The following PLCB1 variants were observed in gnomAD, a reference collection of about 807,000 sequenced individuals.
PLCB1 encodes phospholipase C beta 1.
A neutral mutation model predicts 161.8 loss-of-function variants in PLCB1; 46 were observed. That is an observed-to-expected ratio of 0.28 (90% CI 0.22 to 0.36). The LOEUF (loss-of-function observed/expected upper bound fraction) is 0.36. Among genes scored for constraint, PLCB1 ranks in the 10% least tolerant of loss-of-function variants. The pLI, the probability that PLCB1 is intolerant of heterozygous loss-of-function variation, is 1.00. For missense variants in PLCB1, 1,016 were observed against 1,472.5 expected, an observed-to-expected ratio of 0.69 and a Z score of 5.07; for synonymous variants, 517 against 503.7, an observed-to-expected ratio of 1.03 and a Z score of -0.35.
At chr20:8,823,953 G>A (rs75108322) in intron 31 of PLCB1, among the ~76,000 whole-genome samples, 4,339 of 151,802 alleles carry the variant, frequency 0.029, 196 homozygotes, top group African/African-American at 0.099. Context: ...CCTGGTTCTC[G>A]GTGGGTTTGT....
intron 3 of PLCB1, among the ~76,000 whole-genome samples, chr20:8,605,894 G>A (rs369710024): frequency 6.6e-6 from 1 of 152,130 alleles, no homozygotes; most frequent in Non-Finnish European, 1.5e-5. Flanking sequence ...AGAACATGTG[G>A]TATATGATTT....
chr20:8,584,858 T>C (rs1287287323), intron 3 of PLCB1, among the ~76,000 whole-genome samples: 1 of 151,938 alleles, frequency 6.6e-6, no homozygotes, highest in East Asian at 1.9e-4. Context: ...ACCTGACTAA[T>C]TTTTGTATTT....
At chr20:8,579,502 C>T (rs1407113018) in intron 3 of PLCB1, among the ~76,000 whole-genome samples, 1 of 152,218 alleles carries the variant, frequency 6.6e-6, no homozygotes, top group Admixed American at 6.5e-5. Context: ...TAGTTCGTTA[C>T]ATGGCATTAG....
chr20:8,600,389 G>T (rs1987514768), intron 3 of PLCB1, among the ~76,000 whole-genome samples: 2 of 128,758 alleles, frequency 1.6e-5, no homozygotes, highest in Middle Eastern at 3.9e-3. Context: ...CCTGCTGGGG[G>T]GTGCCTCCCA....
chr20:8,771,552 T>G (rs1982677404), intron 26 of PLCB1, among the ~76,000 whole-genome samples: 1 of 152,070 alleles, frequency 6.6e-6, no homozygotes. Flanking sequence ...AGTATTAAAT[T>G]GCCAGAGATT....
At chr20:8,706,650 G>T (rs1208349103) in intron 11 of PLCB1, among the ~76,000 whole-genome samples, 1 of 152,062 alleles carries the variant, frequency 6.6e-6, no homozygotes, top group Non-Finnish European at 1.5e-5. Flanking sequence ...TGAGGGCTTT[G>T]CTCTTAGCTG....
intron 3 of PLCB1, among the ~76,000 whole-genome samples, chr20:8,566,022 C>T (rs1986322826): frequency 6.6e-6 from 1 of 152,082 alleles, no homozygotes; most frequent in South Asian, 2.1e-4. Flanking sequence ...TTAAAAAAAT[C>T]AACAGTTCAA....
chr20:8,184,666 A>G (rs758930940), intron 2 of PLCB1, among the ~76,000 whole-genome samples: 4 of 151,722 alleles, frequency 2.6e-5, no homozygotes, highest in Non-Finnish European at 4.4e-5. Flanking sequence ...CTTCAGTTGC[A>G]TAAGAAAACC....
At chr20:8,832,619 T>G (rs1986067904) in intron 31 of PLCB1, among the ~76,000 whole-genome samples, 1 of 152,184 alleles carries the variant, frequency 6.6e-6, no homozygotes, top group African/African-American at 2.4e-5. Flanking sequence ...ATGATAACTC[T>G]TGAGCCAGAT....
intron 3 of PLCB1, among the ~76,000 whole-genome samples, chr20:8,417,272 G>A (rs1979342054): frequency 6.7e-6 from 1 of 149,638 alleles, no homozygotes; most frequent in Non-Finnish European, 1.5e-5. Context: ...ATTTTTAGTG[G>A]AGACAGGGTT....
At chr20:8,735,121 T>C (rs1378097161) in intron 19 of PLCB1, among the ~76,000 whole-genome samples, 1 of 152,236 alleles carries the variant, frequency 6.6e-6, no homozygotes, top group Non-Finnish European at 1.5e-5. Context: ...AAAGATAAAC[T>C]CATAAGCTCC....
At chr20:8,855,036 A>G (rs981674941) in intron 31 of PLCB1, among the ~76,000 whole-genome samples, 2 of 152,258 alleles carry the variant, frequency 1.3e-5, no homozygotes, top group Non-Finnish European at 2.9e-5. Context: ...CAATGAATTT[A>G]AAATTTCTCT....
At chr20:8,170,012 C>T (rs1213423152) in intron 2 of PLCB1, among the ~76,000 whole-genome samples, 1 of 152,132 alleles carries the variant, frequency 6.6e-6, no homozygotes, top group African/African-American at 2.4e-5. Context: ...GGGTCTCAGT[C>T]AAGATGGCCT....
At chr20:8,772,546 G>A (rs938182938) in intron 26 of PLCB1, among the ~76,000 whole-genome samples, 3 of 152,178 alleles carry the variant, frequency 2.0e-5, no homozygotes, top group African/African-American at 4.8e-5. Flanking sequence ...GCATATGGGG[G>A]GATGGTTGGC....
intron 1 of PLCB1, among the ~76,000 whole-genome samples, chr20:8,134,156 C>A (rs1443934981): frequency 1.3e-5 from 2 of 152,146 alleles, no homozygotes; most frequent in African/African-American, 4.8e-5. Flanking sequence ...CTGAATGTTT[C>A]TGTAAATGGA....
At chr20:8,439,155 A>C (rs1980438602) in intron 3 of PLCB1, among the ~76,000 whole-genome samples, 1 of 152,162 alleles carries the variant, frequency 6.6e-6, no homozygotes, top group African/African-American at 2.4e-5. Flanking sequence ...AGAGTGAGCA[A>C]ATGATTTAAC....
At chr20:8,571,665 T>C (rs1259527156) in intron 3 of PLCB1, among the ~76,000 whole-genome samples, 2 of 152,136 alleles carry the variant, frequency 1.3e-5, no homozygotes, top group Non-Finnish European at 2.9e-5. Context: ...GTGGAGATAA[T>C]GCCCTATGTC....
chr20:8,214,337 C>A (rs1978999552), intron 2 of PLCB1, among the ~76,000 whole-genome samples: 1 of 152,096 alleles, frequency 6.6e-6, no homozygotes, highest in Non-Finnish European at 1.5e-5. Flanking sequence ...GTGCTGTCCT[C>A]ACGACAGTGA....
At chr20:8,521,008 T>C (rs1323679417) in intron 3 of PLCB1, among the ~76,000 whole-genome samples, 1 of 152,142 alleles carries the variant, frequency 6.6e-6, no homozygotes, top group Non-Finnish European at 1.5e-5. Context: ...AAATTAAATA[T>C]AGAAATAAAA....
Sources: allele counts gnomAD v4.1 joint callset (sites outside exome capture counted in the v4.1 genomes callset), GRCh38; gene constraint gnomAD v4.1.1; transcripts MANE v1.5; gene names NCBI Gene and HGNC (gene_info 2026-07-23, HGNC 2026-07-21).